The following PCCA variants were observed in gnomAD, a reference collection of about 807,000 sequenced individuals.
PCCA encodes propionyl-CoA carboxylase subunit alpha, also known as propionyl-CoA carboxylase alpha chain, mitochondrial.
A neutral mutation model predicts 101.3 loss-of-function variants in PCCA; 74 were observed. That is an observed-to-expected ratio of 0.73 (90% confidence interval 0.61 to 0.89). The LOEUF (loss-of-function observed/expected upper bound fraction) is 0.89, where lower values mean the gene tolerates loss of function less well. PCCA is among the 40% of genes least tolerant of loss of function. PCCA has a pLI of 0.00. For missense variants in PCCA, 891 were observed against 907.0 expected (o/e 0.98, Z 0.23); for synonymous variants, 294 against 313.6 (o/e 0.94, Z 0.66).
At chr13:100,215,055 G>A (rs1390020071) in intron 7 of PCCA, among the ~76,000 whole-genome samples, 3 of 152,112 alleles carry the variant, frequency 2.0e-5, no homozygotes, top group Non-Finnish European at 2.9e-5. Context: ...ACTTGACATC[G>A]TTCAGATTCT....
intron 6 of PCCA, among the ~76,000 whole-genome samples, chr13:100,199,183 C>T (rs1008171047): frequency 3.3e-5 from 5 of 151,864 alleles, no homozygotes; most frequent in African/African-American, 9.7e-5. Context: ...TAGGTCCAGA[C>T]GCAGATGTTT....
intron 19 of PCCA, among the ~76,000 whole-genome samples, chr13:100,408,758 C>T (rs2077837047): frequency 6.6e-6 from 1 of 152,170 alleles, no homozygotes; most frequent in African/African-American, 2.4e-5. Flanking sequence ...CAACCAACAC[C>T]TTGCAGAGAA....
At chr13:100,283,023 A>G (rs1412007935) in intron 12 of PCCA, among the ~76,000 whole-genome samples, 2 of 151,966 alleles carry the variant, frequency 1.3e-5, no homozygotes, top group African/African-American at 4.8e-5. Flanking sequence ...ACCCGGGTAC[A>G]TGTCCCCTTC....
intron 16 of PCCA, among the ~76,000 whole-genome samples, chr13:100,318,267 T>C (rs187870398): frequency 2.1e-4 from 32 of 152,330 alleles, no homozygotes; most frequent in Non-Finnish European, 3.7e-4. Context: ...TGTTTTCCTT[T>C]CATTCCTCTC....
intron 19 of PCCA, among the ~76,000 whole-genome samples, chr13:100,381,815 C>T (rs1018264245): frequency 1.3e-5 from 2 of 152,222 alleles, no homozygotes; most frequent in Admixed American, 6.5e-5. Flanking sequence ...GATCAAACTC[C>T]ACTCATTTGC....
intron 6 of PCCA, among the ~76,000 whole-genome samples, chr13:100,178,020 C>A (rs1339616984): frequency 6.6e-6 from 1 of 152,116 alleles, no homozygotes; most frequent in Non-Finnish European, 1.5e-5. Context: ...GGACTTATAG[C>A]AACATTTCTG....
rs550870069 is a variant in PCCA at position 100,160,928 on chromosome 13, A to G, written c.468+3588A>G. ...AGCATAAGTTATAGTAATTAGTTTCAAGAGAAACATATGTTAGAATTTGTG... is the reference window on the plus strand; with the variant it reads ...AGCATAAGTTATAGTAATTAGTTTCGAGAGAAACATATGTTAGAATTTGTG... On this transcript the variant is annotated intron_variant, in intron 6 of 23. Coordinates refer to ENST00000376285, the MANE Select transcript of PCCA (RefSeq NM_000282.4). 9.3e-5 allele frequency: 14 copies of G among 151,248 alleles called. No homozygotes were observed. The South Asian group carries it at 2.9e-3, about 32-fold the overall frequency. The allele number at this position is 151,248 out of a possible 1,614,324, so 9.4% of individuals were successfully genotyped here. A position where few individuals can be genotyped will look rare whatever the true frequency, so the allele number is the denominator to read the frequency against.
chr13:100,145,892 A>G (rs1040247960), intron 4 of PCCA, among the ~76,000 whole-genome samples: 13 of 151,056 alleles, frequency 8.6e-5, no homozygotes, highest in African/African-American at 3.2e-4. Context: ...GCTATTACAT[A>G]TATTTACATA....
intron 22 of PCCA, among the ~76,000 whole-genome samples, chr13:100,521,196 C>G (rs1392360468): frequency 6.6e-6 from 1 of 152,210 alleles, no homozygotes; most frequent in South Asian, 2.1e-4. Flanking sequence ...AGAAACTGGA[C>G]TTGTTTTATA....
At chr13:100,268,855 A>G in intron 11 of PCCA, 72 bp downstream of exon 11, 1 of 1,053,810 alleles carries the variant, frequency 9.5e-7, no homozygotes, top group Admixed American at 1.7e-5. Flanking sequence ...TTCATTCATC[A>G]TTCACTGACG....
At chr13:100,454,509 A>G (rs865907849) in intron 21 of PCCA, among the ~76,000 whole-genome samples, 16 of 152,354 alleles carry the variant, frequency 1.1e-4, no homozygotes, top group Middle Eastern at 3.4e-3. Flanking sequence ...CCTAGCTAGC[A>G]TATGTTGCTT....
intron 7 of PCCA, among the ~76,000 whole-genome samples, chr13:100,212,460 C>T (rs1035038586): frequency 1.3e-5 from 2 of 152,190 alleles, no homozygotes; most frequent in African/African-American, 4.8e-5. Flanking sequence ...ATCCTTCATT[C>T]TTTTCCGCCT....
intron 6 of PCCA, among the ~76,000 whole-genome samples, chr13:100,203,650 A>G (rs2058675286): frequency 6.6e-6 from 1 of 152,184 alleles, no homozygotes; most frequent in South Asian, 2.1e-4. Flanking sequence ...CCAGGATTGC[A>G]CCGCTGCACT....
rs567826559 is a variant in PCCA, at chr13:100,495,137, G to A, written c.1900-20290G>A. Among the ~76,000 whole-genome samples, 652 of 151,970 alleles carry A rather than the reference G, an allele frequency of 4.3e-3. 2 individuals are homozygous for A. The highest frequency in any genetic ancestry group is 8.0e-3 in the Non-Finnish European group (545 of 67,954). ...TATGGCATCTAGTGTGTGGAAGCCC[G>A]AGACCCCGCTAACCGTCCCACCCAA... On this transcript the variant is annotated intron_variant, in intron 21 of 23. Transcript: ENST00000376285.
chr13:100,357,965 C>G (rs2074130582), intron 18 of PCCA, among the ~76,000 whole-genome samples: 1 of 152,146 alleles, frequency 6.6e-6, no homozygotes, highest in African/African-American at 2.4e-5. Flanking sequence ...CAGAAGATCC[C>G]AGAACTGCTG....
intron 12 of PCCA, among the ~76,000 whole-genome samples, chr13:100,293,850 T>C (rs976521266): frequency 6.6e-6 from 1 of 152,192 alleles, no homozygotes; most frequent in South Asian, 2.1e-4. Flanking sequence ...CAGATATGTA[T>C]AGATAAGCTT....
Position 100,273,332 on chromosome 13 carries a change from A to T in PCCA, c.1051A>T (p.Asn351Tyr). Residue 351 changes from asparagine to tyrosine, a missense_variant, in exon 12 of 24, where the codon AAT (asparagine) becomes TAT (tyrosine). Transcript: ENST00000376285. Reference protein sequence around the residue: ...SKKNFYFLEMNTRLQVEHPVT... With the variant: ...SKKNFYFLEMYTRLQVEHPVT... ...GAAGAATTTTTATTTCTTGGAAATG[A>T]ATACAAGACTCCAGGTAACAACAAC... 1 of 1,612,486 alleles carries T rather than the reference A, an allele frequency of 6.2e-7. No homozygotes were observed. The highest frequency in any genetic ancestry group is 8.5e-7 in the Non-Finnish European group (1 of 1,178,494).
At chr13:100,425,458 G>C (rs977281799) in intron 19 of PCCA, among the ~76,000 whole-genome samples, 175 bp from the exon 20 acceptor site, 1 of 152,238 alleles carries the variant, frequency 6.6e-6, no homozygotes, top group African/African-American at 2.4e-5. Flanking sequence ...TCTCCCCAGA[G>C]ATGACTGGGA....
At chr13:100,150,915 T>C in intron 4 of PCCA, 2 of 1,548,002 alleles carry the variant, frequency 1.3e-6, no homozygotes, top group Non-Finnish European at 8.9e-7. Context: ...ATCCTATATA[T>C]AACGTAACCT....
Sources: allele counts gnomAD v4.1 joint callset (sites outside exome capture counted in the v4.1 genomes callset), GRCh38; gene constraint gnomAD v4.1.1; transcripts MANE v1.5; gene names NCBI Gene and HGNC (gene_info 2026-07-23, HGNC 2026-07-21).